Variants in CCDC102B observed in about 807,000 individuals in gnomAD.
CCDC102B encodes the protein coiled-coil domain-containing protein 102B.
Under a neutral mutation model 57.4 loss-of-function variants are expected in CCDC102B, and 75 were observed. The observed-to-expected ratio is 1.31, with a 90% CI of 1.08 to 1.58. The LOEUF is 1.58. CCDC102B is among the 40% of genes most tolerant of loss of function. The pLI, the probability that CCDC102B is intolerant of heterozygous loss-of-function variation, is 0.00. For synonymous variants in CCDC102B, 206 were observed against 201.9 expected, an observed-to-expected ratio of 1.02 and a Z score of -0.17; for missense variants, 636 against 582.6, an observed-to-expected ratio of 1.09 and a Z score of -0.94.
intron 1 of CCDC102B, among the ~76,000 whole-genome samples, chr18:68,812,300 A>C (rs183822606): frequency 6.6e-6 from 1 of 152,168 alleles, no homozygotes; most frequent in African/African-American, 2.4e-5. Context: ...CTACTTTATA[A>C]AAAGTGATAA....
intron 2 of CCDC102B, among the ~76,000 whole-genome samples, chr18:68,768,102 A>T (rs1413671245): frequency 1.3e-5 from 2 of 152,210 alleles, no homozygotes; most frequent in Non-Finnish European, 2.9e-5. Context: ...AATGAATAGC[A>T]TTACAAATCC....
intron 4 of CCDC102B, among the ~76,000 whole-genome samples, chr18:68,865,209 A>G (rs2038922132): frequency 6.6e-6 from 1 of 152,130 alleles, no homozygotes; most frequent in Non-Finnish European, 1.5e-5. Context: ...TTGTCAAGGC[A>G]TGACTATTGC....
chr18:68,997,419 T>C (rs2051059958), intron 6 of CCDC102B, among the ~76,000 whole-genome samples: 2 of 152,176 alleles, frequency 1.3e-5, no homozygotes, highest in Non-Finnish European at 2.9e-5. Flanking sequence ...CCGCCCTTTA[T>C]TTATCGGTAA....
At chr18:69,050,085 A>G (rs1433478135) in intron 7 of CCDC102B, among the ~76,000 whole-genome samples, 1 of 152,160 alleles carries the variant, frequency 6.6e-6, no homozygotes, top group African/African-American at 2.4e-5. Flanking sequence ...TTGGTATTAT[A>G]GGCATGAGCC....
At position 68,836,820 on chromosome 18, in the gene CCDC102B, A is replaced by G; in HGVS notation, c.57A>G (p.Gln19=). 1.9e-6 allele frequency: 3 copies of G among 1,613,940 alleles called. No homozygotes were observed. The highest frequency in any genetic ancestry group is 8.5e-7 in the Non-Finnish European group (1 of 1,179,882). ...LIEETQIFQM[Q]QSSIKSRGDM... The stretch of plus-strand genomic sequence containing the variant: ...AGGAAACACAGATCTTCCAGATGCA[A>G]CAATCATCAATTAAGTCACGCGGCG... The change falls in exon 2 of 8, where the codon CAA becomes CAG. Residue 19 remains glutamine, a synonymous_variant. Transcript: ENST00000360242.
chr18:68,802,091 C>G (rs2035875546), intron 1 of CCDC102B, among the ~76,000 whole-genome samples: 1 of 152,032 alleles, frequency 6.6e-6, no homozygotes, highest in Non-Finnish European at 1.5e-5. Flanking sequence ...TGTGGAAGTG[C>G]CATAATCCAT....
At chr18:68,969,883 G>A (rs1057491525) in intron 6 of CCDC102B, among the ~76,000 whole-genome samples, 1 of 151,704 alleles carries the variant, frequency 6.6e-6, no homozygotes, top group African/African-American at 2.4e-5. Flanking sequence ...AATTATCAAT[G>A]GTTTTAAAAT....
intron 4 of CCDC102B, chr18:68,866,773 G>A: frequency 1.5e-6 from 1 of 664,738 alleles, no homozygotes; most frequent in Non-Finnish European, 2.9e-6. Flanking sequence ...CTGTCTTTTT[G>A]GTATGTCGGT....
intron 6 of CCDC102B, among the ~76,000 whole-genome samples, chr18:69,006,078 C>T (rs986986823): frequency 6.6e-6 from 1 of 151,988 alleles, no homozygotes; most frequent in African/African-American, 2.4e-5. Context: ...AATAAGCTTG[C>T]TCTGAAGTAC....
Position 68,971,571 on chromosome 18 carries a change from CT to C in CCDC102B, c.1264-39360del, listed in dbSNP as rs1348755836. ...GTGTGCACCAATAATTAATCTGCCC[CT>C]TTAGGTAAGGGGAAAGGGAAATCAC... On this transcript the variant is annotated intron_variant, in intron 6 of 7. Coordinates refer to ENST00000360242, the MANE Select transcript of CCDC102B (RefSeq NM_024781.3). Among the ~76,000 whole-genome samples the C allele has an allele frequency of 4.6e-5, 7 of 152,182 alleles. No homozygotes were observed. The South Asian group carries it at 1.2e-3, about 27-fold the overall frequency.
intron 4 of CCDC102B, among the ~76,000 whole-genome samples, chr18:68,867,289 C>G (rs1457862001): frequency 6.6e-6 from 1 of 152,188 alleles, no homozygotes; most frequent in Non-Finnish European, 1.5e-5. Flanking sequence ...CGCGCCCGGC[C>G]TTCCCCTTGT....
At position 68,837,252 on chromosome 18, in the gene CCDC102B, C is replaced by A; in HGVS notation, c.489C>A (p.Phe163Leu). Reference protein sequence around the residue: ...KVTQDLKLPGFVEESCEHTDQ... With the variant: ...KVTQDLKLPGLVEESCEHTDQ... ...CCCAGGATCTGAAGCTTCCTGGCTT[C>A]GTAGAAGAATCCTGTGAACATACAG... is the stretch of plus-strand genomic sequence containing the variant. The change falls in exon 2 of 8, where the codon TTC becomes TTA. Residue 163 changes from phenylalanine (F) to leucine (L), a missense_variant. By Grantham distance (22) the Phe-to-Leu change is conservative (BLOSUM62 0). Coordinates refer to ENST00000360242, the MANE Select transcript of CCDC102B (RefSeq NM_024781.3). 6.2e-7 allele frequency: 1 copy of A among 1,614,058 alleles called. No individual in the cohort carries two copies. Among genetic ancestry groups the A allele is most frequent in the South Asian group, 1.1e-5 (1 of 91,076 alleles).
chr18:68,823,663 AC>A (rs1255624764), intron 1 of CCDC102B, among the ~76,000 whole-genome samples: 1 of 151,900 alleles, frequency 6.6e-6, no homozygotes, highest in East Asian at 1.9e-4. Context: ...ACTAATTTAC[AC>A]CCCCAGCAAT....
chr18:68,719,286 T>C (rs1445151449), intron 2 of CCDC102B, among the ~76,000 whole-genome samples: 1 of 152,348 alleles, frequency 6.6e-6, no homozygotes, highest in East Asian at 1.9e-4. Context: ...AGCTTTATTA[T>C]GTGAATTGGC....
chr18:68,769,504 C>T (rs1225716140), intron 2 of CCDC102B, among the ~76,000 whole-genome samples: 1 of 152,096 alleles, frequency 6.6e-6, no homozygotes, highest in African/African-American at 2.4e-5. Context: ...TTTCTCCTCT[C>T]ATTTTCTCCA....
chr18:68,807,081 G>A (rs1235085495), intron 1 of CCDC102B, among the ~76,000 whole-genome samples: 7 of 152,058 alleles, frequency 4.6e-5, no homozygotes, highest in Non-Finnish European at 1.0e-4. Context: ...ACCTTATCAA[G>A]GAAGAGAATT....
At chr18:68,973,999 T>C (rs2050369721) in intron 6 of CCDC102B, among the ~76,000 whole-genome samples, 1 of 152,110 alleles carries the variant, frequency 6.6e-6, no homozygotes, top group African/African-American at 2.4e-5. Context: ...ATAAGTGATA[T>C]AAAAAATACT....
chr18:68,866,689 T>C (rs2038996858), intron 4 of CCDC102B: 1 of 468,470 alleles, frequency 2.1e-6, no homozygotes, highest in South Asian at 1.9e-5. Flanking sequence ...CATAGCACTG[T>C]CTACAGTTTG....
chr18:68,981,340 A>C (rs566105964), intron 6 of CCDC102B, among the ~76,000 whole-genome samples: 22 of 152,168 alleles, frequency 1.4e-4, no homozygotes, highest in African/African-American at 5.1e-4. Flanking sequence ...TTTCGAGGGA[A>C]GTTTTATTGG....
Sources: allele counts gnomAD v4.1 joint callset (sites outside exome capture counted in the v4.1 genomes callset), GRCh38; gene constraint gnomAD v4.1.1; transcripts MANE v1.5; gene names NCBI Gene and HGNC (gene_info 2026-07-23, HGNC 2026-07-21).